The following ALCAM variants were observed in gnomAD, a reference collection of about 807,000 sequenced individuals.
The protein encoded by ALCAM is CD166 antigen.
A neutral mutation model predicts 70.9 loss-of-function variants in ALCAM; 30 were observed. That is an observed-to-expected ratio of 0.42 (90% CI 0.32 to 0.57). The LOEUF is 0.57. Among genes scored for constraint, ALCAM ranks in the 20% least tolerant of loss-of-function variants. The probability of loss-of-function intolerance (pLI) is 0.11; values close to 1 mark genes in which losing one functional copy is unlikely to be tolerated. For synonymous variants in ALCAM, 249 were observed against 242.5 expected, an observed-to-expected ratio of 1.03 and a Z score of -0.25; for missense variants, 591 against 695.1, an observed-to-expected ratio of 0.85 and a Z score of 1.68.
At chr3:105,387,900 G>A (rs563890060) in intron 1 of ALCAM, among the ~76,000 whole-genome samples, 25 of 151,454 alleles carry the variant, frequency 1.7e-4, no homozygotes, top group Admixed American at 1.5e-3. Context: ...TTATTCTACT[G>A]CCAAATAAAA....
chr3:105,458,008 C>G (rs1937556313), intron 1 of ALCAM, among the ~76,000 whole-genome samples: 2 of 151,830 alleles, frequency 1.3e-5, no homozygotes, highest in Admixed American at 1.3e-4. Context: ...AATAAACATG[C>G]TCATTATAAA....
chr3:105,462,012 G>C (rs911316446), intron 1 of ALCAM, among the ~76,000 whole-genome samples: 2 of 151,008 alleles, frequency 1.3e-5, no homozygotes, highest in Non-Finnish European at 3.0e-5. Flanking sequence ...CATAATCCTG[G>C]GGAAATATAG....
intron 1 of ALCAM, among the ~76,000 whole-genome samples, chr3:105,408,710 TAAA>T (rs1455788599): frequency 1.3e-5 from 2 of 151,928 alleles, no homozygotes; most frequent in East Asian, 3.9e-4. Flanking sequence ...GGTACTTAAT[TAAA>T]CTAAAAAGCT....
chr3:105,426,799 G>T (rs1936801058), intron 1 of ALCAM, among the ~76,000 whole-genome samples: 1 of 151,554 alleles, frequency 6.6e-6, no homozygotes. Flanking sequence ...TGTTCCTTTG[G>T]ACATAAGTAT....
intron 1 of ALCAM, among the ~76,000 whole-genome samples, chr3:105,461,111 G>C (rs1295743902): frequency 6.6e-6 from 1 of 151,588 alleles, no homozygotes; most frequent in East Asian, 1.9e-4. Flanking sequence ...ACATGTTCCA[G>C]ACAGAGAACA....
intron 3 of ALCAM, 115 bp from the exon 4 acceptor site, chr3:105,531,886 AT>A (rs1939847721): frequency 1.2e-6 from 1 of 853,552 alleles, no homozygotes; most frequent in South Asian, 1.4e-5. Flanking sequence ...ATCTATTTTT[AT>A]TCTGTTGCTT....
chr3:105,389,451 C>T (rs987367692), intron 1 of ALCAM, among the ~76,000 whole-genome samples: 2 of 132,864 alleles, frequency 1.5e-5, no homozygotes, highest in Non-Finnish European at 3.1e-5. Context: ...GGGAGGCCTG[C>T]GAATATGAGA....
At chr3:105,568,521 A>G (rs1328328069) in intron 14 of ALCAM, among the ~76,000 whole-genome samples, 3 of 152,168 alleles carry the variant, frequency 2.0e-5, no homozygotes, top group African/African-American at 2.4e-5. Context: ...CTAAAAATCT[A>G]TCAGGCTTCT....
At chr3:105,556,753 C>A (rs1196742848) in intron 14 of ALCAM, among the ~76,000 whole-genome samples, 1 of 151,930 alleles carries the variant, frequency 6.6e-6, no homozygotes, top group East Asian at 1.9e-4. Flanking sequence ...AATTCTATTT[C>A]CCAGTCAATA....
chr3:105,514,737 T>TG (rs1185633761), intron 1 of ALCAM, among the ~76,000 whole-genome samples: 1 of 151,790 alleles, frequency 6.6e-6, no homozygotes, highest in East Asian at 1.9e-4. Context: ...TGGCAAGTGG[T>TG]GGGGGGAGGA....
chr3:105,436,889 C>T (rs1937062476), intron 1 of ALCAM, among the ~76,000 whole-genome samples: 1 of 152,050 alleles, frequency 6.6e-6, no homozygotes, highest in Admixed American at 6.6e-5. Context: ...TGAATGACTG[C>T]TAGGTTATCA....
At chr3:105,503,741 T>C (rs936017576) in intron 1 of ALCAM, among the ~76,000 whole-genome samples, 3 of 152,184 alleles carry the variant, frequency 2.0e-5, no homozygotes, top group African/African-American at 7.2e-5. Flanking sequence ...CATTGCTTCT[T>C]TCCCAGGTGC....
chr3:105,506,959 T>G (rs1175711262), intron 1 of ALCAM, among the ~76,000 whole-genome samples: 1 of 152,246 alleles, frequency 6.6e-6, no homozygotes, highest in Non-Finnish European at 1.5e-5. Flanking sequence ...CCTCTGCTAA[T>G]GGATGCCAAA....
chr3:105,541,299 A>G (rs1940110288), intron 7 of ALCAM, among the ~76,000 whole-genome samples: 2 of 151,738 alleles, frequency 1.3e-5, no homozygotes, highest in Admixed American at 6.6e-5. Flanking sequence ...AGCTGCCTCA[A>G]ATATTTTTGT....
chr3:105,528,719 G>A (rs757700032), intron 3 of ALCAM, among the ~76,000 whole-genome samples: 3 of 152,074 alleles, frequency 2.0e-5, no homozygotes, highest in African/African-American at 7.2e-5. Context: ...ACACACACTG[G>A]GGCCTTTCAG....
intron 1 of ALCAM, among the ~76,000 whole-genome samples, chr3:105,375,237 G>C (rs1288924766): frequency 6.6e-6 from 1 of 152,100 alleles, no homozygotes; most frequent in African/African-American, 2.4e-5. Context: ...GACTGTCCTG[G>C]TTTATGCCTC....
At position 105,503,962 on chromosome 3, in the gene ALCAM, C is replaced by T. The variant is rs568753101; in HGVS notation, c.74-16105C>T. On this transcript the variant is annotated intron_variant, in intron 1 of 15. Coordinates refer to ENST00000306107, the MANE Select transcript of ALCAM (RefSeq NM_001627.4). Reference sequence around the variant, plus strand: ...ATCAATCCCTCCTCTGCTCCTGCAACATTTGGCATATAATCTCCATTATTC... The same window carrying T: ...ATCAATCCCTCCTCTGCTCCTGCAATATTTGGCATATAATCTCCATTATTC... Among the ~76,000 whole-genome samples, 10 of 152,344 alleles carry T rather than the reference C, an allele frequency of 6.6e-5. No homozygotes were observed. In the South Asian group the frequency reaches 2.1e-3, roughly 32 times the overall value.
At chr3:105,374,484 A>G (rs1243610060) in intron 1 of ALCAM, among the ~76,000 whole-genome samples, 3 of 152,088 alleles carry the variant, frequency 2.0e-5, no homozygotes, top group African/African-American at 7.2e-5. Flanking sequence ...TCACTAAGAA[A>G]TCTTCTAATT....
chr3:105,468,025 C>A (rs1389618402), intron 1 of ALCAM, among the ~76,000 whole-genome samples: 1 of 151,252 alleles, frequency 6.6e-6, no homozygotes, highest in Non-Finnish European at 1.5e-5. Context: ...TATATCAACT[C>A]TCAAGAAGTT....
Sources: allele counts gnomAD v4.1 joint callset (sites outside exome capture counted in the v4.1 genomes callset), GRCh38; gene constraint gnomAD v4.1.1; transcripts MANE v1.5; gene names NCBI Gene and HGNC (gene_info 2026-07-23, HGNC 2026-07-21).